The following AP3S1 variants were observed in gnomAD, a reference collection of about 807,000 sequenced individuals.
AP3S1 encodes adaptor related protein complex 3 subunit sigma 1.
Under a neutral mutation model 21.3 loss-of-function variants are expected in AP3S1, and 12 were observed. The ratio of observed to expected loss-of-function variants is 0.56; its 90% confidence interval spans 0.36 to 0.91. AP3S1 has a LOEUF of 0.91. Among genes scored for constraint, AP3S1 ranks in the 40% least tolerant of loss-of-function variants. The probability of loss-of-function intolerance (pLI) is 0.01; values close to 1 mark genes in which losing one functional copy is unlikely to be tolerated. For synonymous variants in AP3S1, 48 were observed against 78.4 expected (o/e 0.61, Z 2.05); for missense variants, 116 against 225.0 (o/e 0.52, Z 3.10).
chr5:115,871,396 G>A (rs1748229091), intron 3 of AP3S1, among the ~76,000 whole-genome samples: 1 of 151,878 alleles, frequency 6.6e-6, no homozygotes, highest in African/African-American at 2.4e-5. Context: ...TCAAAATCTG[G>A]AACTCCTCTC....
chr5:115,862,031 G>T (rs993365520), intron 1 of AP3S1, among the ~76,000 whole-genome samples: 13 of 151,852 alleles, frequency 8.6e-5, no homozygotes, highest in African/African-American at 2.9e-4. Flanking sequence ...GCGTGGTTCG[G>T]TTCTTTAACT....
At chr5:115,884,409 CA>C (rs1749583482) in intron 3 of AP3S1, among the ~76,000 whole-genome samples, 1 of 152,068 alleles carries the variant, frequency 6.6e-6, no homozygotes. Context: ...ACTAAAGATA[CA>C]AAAAATTAGC....
At chr5:115,910,722 A>G (rs975939168) in intron 5 of AP3S1, among the ~76,000 whole-genome samples, 3 of 152,262 alleles carry the variant, frequency 2.0e-5, no homozygotes, top group Admixed American at 6.5e-5. Flanking sequence ...AAATTTTTAT[A>G]TATAAACATT....
intron 5 of AP3S1, 130 bp downstream of exon 5, chr5:115,903,122 A>T (rs189690373): frequency 1.3e-4 from 86 of 657,000 alleles, no homozygotes; most frequent in Middle Eastern, 1.0e-3. Context: ...TTCAGTTTTT[A>T]AAAAATGGAA....
chr5:115,845,462 T>C (rs7728138), intron 1 of AP3S1, among the ~76,000 whole-genome samples: 2,122 of 152,268 alleles, frequency 0.014, 46 homozygotes, highest in African/African-American at 0.048. Flanking sequence ...CAAGCTGTTA[T>C]ATGTGAGAAA....
At chr5:115,858,977 G>A (rs559474994) in intron 1 of AP3S1, among the ~76,000 whole-genome samples, 1 of 151,008 alleles carries the variant, frequency 6.6e-6, no homozygotes, top group African/African-American at 2.4e-5. Context: ...TTAAATTCTG[G>A]GATACATGTG....
intron 1 of AP3S1, among the ~76,000 whole-genome samples, chr5:115,846,759 T>C (rs1195407362): frequency 6.6e-6 from 1 of 152,114 alleles, no homozygotes; most frequent in Non-Finnish European, 1.5e-5. Context: ...CACTCCTGAG[T>C]ATGAGGGTGT....
intron 3 of AP3S1, among the ~76,000 whole-genome samples, chr5:115,878,511 G>A (rs1748954525): frequency 6.6e-6 from 1 of 152,166 alleles, no homozygotes; most frequent in Admixed American, 6.5e-5. Flanking sequence ...GGTTGTAGAT[G>A]TGTGGCATTA....
At chr5:115,843,712 A>G (rs1319334830) in intron 1 of AP3S1, among the ~76,000 whole-genome samples, 1 of 152,256 alleles carries the variant, frequency 6.6e-6, no homozygotes, top group African/African-American at 2.4e-5. Context: ...CTTAAGCAAT[A>G]TTAAAAATAG....
intron 5 of AP3S1, chr5:115,909,073 T>C (rs1751890787): frequency 1.4e-6 from 1 of 692,198 alleles, no homozygotes; most frequent in Non-Finnish European, 1.8e-6. Flanking sequence ...CATCTTATTA[T>C]GCTGTATTCA....
chr5:115,894,550 G>C (rs574283849), intron 3 of AP3S1, among the ~76,000 whole-genome samples: 85 of 152,298 alleles, frequency 5.6e-4, no homozygotes, highest in Middle Eastern at 3.4e-3. Flanking sequence ...ACGCAAGCCT[G>C]CTGAGGTGAC....
intron 2 of AP3S1, among the ~76,000 whole-genome samples, chr5:115,867,657 G>T (rs1747815461): frequency 6.6e-6 from 1 of 152,110 alleles, no homozygotes; most frequent in African/African-American, 2.4e-5. Context: ...TACAAATTTT[G>T]CTGTTAACTC....
At chr5:115,911,530 T>C (rs1332417779) in intron 5 of AP3S1, among the ~76,000 whole-genome samples, 2 of 152,076 alleles carry the variant, frequency 1.3e-5, no homozygotes, top group African/African-American at 4.8e-5. Context: ...AAAATCCTCC[T>C]ATCTAAAAAA....
At chr5:115,880,942 C>G (rs1275863565) in intron 3 of AP3S1, among the ~76,000 whole-genome samples, 1 of 152,050 alleles carries the variant, frequency 6.6e-6, no homozygotes, top group African/African-American at 2.4e-5. Context: ...ATCCCTTTAC[C>G]ATTATGTGAT....
chr5:115,858,782 T>G (rs566497625), intron 1 of AP3S1, among the ~76,000 whole-genome samples: 13 of 151,056 alleles, frequency 8.6e-5, no homozygotes, highest in African/African-American at 3.1e-4. Context: ...ATTTCACTCT[T>G]TTATAATATA....
chr5:115,865,999 T>G (rs1325537360), intron 1 of AP3S1, among the ~76,000 whole-genome samples: 1 of 152,162 alleles, frequency 6.6e-6, no homozygotes, highest in Admixed American at 6.6e-5. Flanking sequence ...GGTTTCACTG[T>G]GTTGGCCAGG....
At position 115,868,634 on chromosome 5, in the gene AP3S1, C is replaced by T. The variant is rs1461881756; in HGVS notation, c.162-1383C>T. Among the ~76,000 whole-genome samples the T allele has an allele frequency of 2.0e-5, 3 of 151,978 alleles. No individual in the cohort carries two copies. In the East Asian group the frequency reaches 5.8e-4, roughly 29 times the overall value. ...CAGTGGCTCACGCCTGTAATCCTAG[C>T]ATTTTGGGAGGCCTAGGCGTGCAGA... On this transcript the variant is annotated intron_variant, in intron 2 of 5. Coordinates refer to ENST00000316788, the MANE Select transcript of AP3S1 (RefSeq NM_001284.4).
intron 1 of AP3S1, among the ~76,000 whole-genome samples, chr5:115,861,579 G>A (rs753953458): frequency 1.3e-5 from 2 of 151,986 alleles, no homozygotes; most frequent in African/African-American, 4.8e-5. Flanking sequence ...TTTTGAGGCA[G>A]GGTCTTGCTC....
intron 2 of AP3S1, among the ~76,000 whole-genome samples, chr5:115,869,585 A>G (rs532492739): frequency 6.6e-6 from 1 of 152,256 alleles, no homozygotes; most frequent in Admixed American, 6.5e-5. Context: ...TTTCCAAGCC[A>G]ACTCCTTATC....
Sources: allele counts gnomAD v4.1 joint callset (sites outside exome capture counted in the v4.1 genomes callset), GRCh38; gene constraint gnomAD v4.1.1; transcripts MANE v1.5; gene names NCBI Gene and HGNC (gene_info 2026-07-23, HGNC 2026-07-21).